The following ELMO1 variants were observed in gnomAD, a reference collection of about 807,000 sequenced individuals.
ELMO1 encodes engulfment and cell motility 1.
A neutral mutation model predicts 98.9 loss-of-function variants in ELMO1; 26 were observed. The observed-to-expected ratio is 0.26, with a 90% CI of 0.19 to 0.36. The LOEUF is 0.36. Among genes scored for constraint, ELMO1 ranks in the 10% least tolerant of loss-of-function variants. The pLI, the probability that ELMO1 is intolerant of heterozygous loss-of-function variation, is 1.00. For missense variants in ELMO1, 627 were observed against 935.2 expected (o/e 0.67, Z 4.30); for synonymous variants, 346 against 346.0 (o/e 1.00, Z 0.00).
intron 16 of ELMO1, among the ~76,000 whole-genome samples, chr7:36,966,156 C>T (rs922710115): frequency 2.6e-5 from 4 of 152,162 alleles, no homozygotes; most frequent in African/African-American, 9.7e-5. Context: ...AGAATGCAAC[C>T]CCATTCAAGT....
chr7:37,402,809 T>G (rs1803590363), intron 1 of ELMO1, among the ~76,000 whole-genome samples: 1 of 152,212 alleles, frequency 6.6e-6, no homozygotes, highest in Non-Finnish European at 1.5e-5. Context: ...TATCTTTAAT[T>G]TCTGTTCCCA....
chr7:36,871,030 C>T (rs1204874657), intron 19 of ELMO1, among the ~76,000 whole-genome samples: 1 of 152,234 alleles, frequency 6.6e-6, no homozygotes, highest in Non-Finnish European at 1.5e-5. Context: ...TCTGCCATCT[C>T]ATTAATTCTA....
At chr7:37,301,407 A>C (rs1798336343) in intron 4 of ELMO1, among the ~76,000 whole-genome samples, 2 of 152,170 alleles carry the variant, frequency 1.3e-5, no homozygotes, top group Admixed American at 6.5e-5. Context: ...AATCTCAGAT[A>C]AGATCACAAT....
In ELMO1 at chr7:37,276,053, G is replaced by A. The variant is rs577194699; in HGVS notation, c.193-4171C>T. Among the ~76,000 whole-genome samples, 9 of 152,300 alleles carry A rather than the reference G, an allele frequency of 5.9e-5. No homozygotes were observed. In the South Asian group the frequency reaches 1.5e-3, roughly 25 times the overall value. The stretch of plus-strand genomic sequence containing the variant: ...AGCTTAAAAGTGATGGGGCCACCCA[G>A]ACTGGACACACATTTCACTTCCGAG... On this transcript the variant is annotated intron_variant, in intron 4 of 21. Coordinates refer to ENST00000310758, the MANE Select transcript of ELMO1 (RefSeq NM_014800.11).
chr7:37,057,650 G>A (rs986896271), intron 15 of ELMO1, among the ~76,000 whole-genome samples: 1 of 152,106 alleles, frequency 6.6e-6, no homozygotes, highest in Non-Finnish European at 1.5e-5. Context: ...ATTAGTAGAG[G>A]AGAAGCTAGT....
At chr7:37,289,924 C>T (rs1294768130) in intron 4 of ELMO1, among the ~76,000 whole-genome samples, 1 of 152,136 alleles carries the variant, frequency 6.6e-6, no homozygotes. Flanking sequence ...AGCTTTTCTC[C>T]TTTGGCCCTG....
intron 13 of ELMO1, among the ~76,000 whole-genome samples, chr7:37,134,738 A>C (rs1364090138): frequency 6.6e-6 from 1 of 152,270 alleles, no homozygotes; most frequent in Admixed American, 6.5e-5. Context: ...TCATAAAAAA[A>C]GAATGAAATC....
chr7:37,184,836 C>T (rs1440503106), intron 13 of ELMO1, among the ~76,000 whole-genome samples: 1 of 151,862 alleles, frequency 6.6e-6, no homozygotes, highest in Non-Finnish European at 1.5e-5. Context: ...GAAGGTGAGT[C>T]TGCAGTAAGC....
At position 37,213,472 on chromosome 7, in the gene ELMO1, C is replaced by T. The variant is rs773360407; in HGVS notation, c.832-15G>A. 6.2e-7 allele frequency: 1 copy of T among 1,600,574 alleles called. No homozygotes were observed. The highest frequency in any genetic ancestry group is 8.5e-7 in the Non-Finnish European group (1 of 1,174,306). On this transcript the variant is annotated splice_polypyrimidine_tract_variant and intron_variant, in intron 11 of 21. Coordinates refer to ENST00000310758, the MANE Select transcript of ELMO1 (RefSeq NM_014800.11). Reference sequence around the variant, plus strand: ...CGGATGACATGCTAGGGAGATGGTTCACAAATGAAATTTTTTAAAAAAGAA... The same window carrying T: ...CGGATGACATGCTAGGGAGATGGTTTACAAATGAAATTTTTTAAAAAAGAA...
intron 15 of ELMO1, among the ~76,000 whole-genome samples, chr7:37,091,141 C>G (rs1784062140): frequency 1.3e-5 from 2 of 152,100 alleles, no homozygotes; most frequent in South Asian, 4.1e-4. Flanking sequence ...GAGTTTCATT[C>G]TTGTCACCCA....
chr7:37,055,653 C>T (rs980808399), intron 15 of ELMO1, among the ~76,000 whole-genome samples: 11 of 152,186 alleles, frequency 7.2e-5, no homozygotes, highest in Non-Finnish European at 1.5e-5. Context: ...TTTATTTTGT[C>T]TCCCTGAATT....
At chr7:37,292,716 C>G (rs1255074864) in intron 4 of ELMO1, among the ~76,000 whole-genome samples, 1 of 98,454 alleles carries the variant, frequency 1.0e-5, no homozygotes, top group African/African-American at 3.5e-5. Flanking sequence ...GCCCGGCAGC[C>G]GCCCCGTCCG....
In ELMO1 at chr7:37,297,973, T is replaced by G. The variant is rs56828275; in HGVS notation, c.192+16877A>C. Among the ~76,000 whole-genome samples, 507 of 152,278 alleles carry G rather than the reference T, an allele frequency of 3.3e-3. 2 individuals are homozygous for G. The highest frequency in any genetic ancestry group is 0.012 in the African/African-American group (479 of 41,542). On this transcript the variant is annotated intron_variant, in intron 4 of 21. Transcript: ENST00000310758. Reference sequence around the variant, plus strand: ...AGTAGATACAGTAGAATGCCATTGGTTTTCTCTAAGTAATAGGATTTTGAT... The same window carrying G: ...AGTAGATACAGTAGAATGCCATTGGGTTTCTCTAAGTAATAGGATTTTGAT...
chr7:37,359,873 C>T (rs577890280), intron 1 of ELMO1, among the ~76,000 whole-genome samples: 6 of 152,154 alleles, frequency 3.9e-5, no homozygotes, highest in East Asian at 1.9e-4. Flanking sequence ...ATACTGACTG[C>T]GACACGGTGA....
At chr7:37,225,101 T>A in intron 8 of ELMO1, 71 bp from the exon 9 acceptor site, 1 of 1,579,176 alleles carries the variant, frequency 6.3e-7, no homozygotes, top group Non-Finnish European at 8.7e-7. Flanking sequence ...AGGGAACAAA[T>A]GAATCAAATC....
At chr7:37,399,640 G>A (rs556943336) in intron 1 of ELMO1, among the ~76,000 whole-genome samples, 6 of 152,162 alleles carry the variant, frequency 3.9e-5, no homozygotes, top group East Asian at 3.9e-4. Flanking sequence ...GCATGACATC[G>A]GCCTCCAGTA....
chr7:36,984,630 A>G (rs879324866), intron 16 of ELMO1, among the ~76,000 whole-genome samples: 2 of 152,232 alleles, frequency 1.3e-5, no homozygotes, highest in African/African-American at 2.4e-5. Flanking sequence ...AAAAAGGACA[A>G]CCAATAAGAT....
At chr7:37,418,056 G>A (rs911452419) in intron 1 of ELMO1, among the ~76,000 whole-genome samples, 1 of 152,078 alleles carries the variant, frequency 6.6e-6, no homozygotes, top group Non-Finnish European at 1.5e-5. Flanking sequence ...GAACAAATCT[G>A]CATGGTTTTA....
intron 13 of ELMO1, among the ~76,000 whole-genome samples, chr7:37,147,435 A>C (rs1788053351): frequency 6.6e-6 from 1 of 152,080 alleles, no homozygotes; most frequent in Non-Finnish European, 1.5e-5. Flanking sequence ...ACAACTCCAC[A>C]ACTTTACCCC....
Sources: allele counts gnomAD v4.1 joint callset (sites outside exome capture counted in the v4.1 genomes callset), GRCh38; gene constraint gnomAD v4.1.1; transcripts MANE v1.5; gene names NCBI Gene and HGNC (gene_info 2026-07-23, HGNC 2026-07-21).